The following ARV1 variants were observed in gnomAD, a reference collection of about 807,000 sequenced individuals.
ARV1 encodes ARV1 fatty acid homeostasis modulator.
A neutral mutation model predicts 31.1 loss-of-function variants in ARV1; 26 were observed. That is an observed-to-expected ratio of 0.84 (90% CI 0.61 to 1.16). The LOEUF (loss-of-function observed/expected upper bound fraction) is 1.16, where lower values mean the gene tolerates loss of function less well. ARV1 is among the 50% of genes most tolerant of loss of function. The pLI is 0.00. For missense variants in ARV1, 281 were observed against 324.9 expected, an observed-to-expected ratio of 0.86 and a Z score of 1.04; for synonymous variants, 117 against 123.2, an observed-to-expected ratio of 0.95 and a Z score of 0.34.
Position 230,995,888 on chromosome 1 carries a change from C to G in ARV1, c.577C>G (p.Leu193Val). 5 of 1,614,070 alleles carry G rather than the reference C, an allele frequency of 3.1e-6. No homozygotes were observed. Among genetic ancestry groups the G allele is most frequent in the Non-Finnish European group, 3.4e-6 (4 of 1,180,016 alleles). ...ATTATCTAGCTACGGAAAACTCTTG[C>G]TGATTCCAGCTGTCATTTGGGAACA... ...LLLSSYGKLL[L>V]IPAVIWEHDY... Residue 193 changes from leucine (L) to valine (V), a missense_variant, in exon 4 of 6, where the codon CTG (leucine) becomes GTG (valine). Leu to Val is a conservative substitution (Grantham distance 32). Coordinates refer to ENST00000310256, the MANE Select transcript of ARV1 (RefSeq NM_022786.3).
chr1:230,987,720 A>AT, intron 1 of ARV1, among the ~76,000 whole-genome samples: 1 of 152,260 alleles, frequency 6.6e-6, no homozygotes, highest in Middle Eastern at 3.4e-3. Context: ...GAGAAAGACC[A>AT]TTTTCTTTCC....
intron 3 of ARV1, among the ~76,000 whole-genome samples, 174 bp downstream of exon 3, chr1:230,990,437 C>G (rs1446062780): frequency 6.6e-6 from 1 of 152,270 alleles, no homozygotes; most frequent in East Asian, 1.9e-4. Flanking sequence ...GTTTGAATCA[C>G]CTGCTTTTTA....
Position 230,979,267 on chromosome 1 carries a change from G to C in ARV1, c.162G>C (p.Lys54Asn). ...GAGACTATAACCACGGTGTGCTGAA[G>C]ATAACCATCTGTGTGAGTTGTCAGG... ...LYRDYNHGVLKITICKSCQKP... is the reference protein window; with the variant it reads ...LYRDYNHGVLNITICKSCQKP... Residue 54 changes from lysine (K) to asparagine (N), a missense_variant, in exon 1 of 6, where the codon AAG (lysine) becomes AAC (asparagine). Transcript: ENST00000310256. The C allele has an allele frequency of 6.2e-7, 1 of 1,613,104 alleles. No individual in the cohort carries two copies. The highest frequency in any genetic ancestry group is 8.5e-7 in the Non-Finnish European group (1 of 1,179,544).
chr1:230,991,540 A>G (rs181202885), intron 3 of ARV1, among the ~76,000 whole-genome samples: 1 of 151,844 alleles, frequency 6.6e-6, no homozygotes, highest in African/African-American at 2.4e-5. Flanking sequence ...TCACCAGAAA[A>G]CCTTGCAGTC....
chr1:230,990,742 A>AT (rs1159593029), intron 3 of ARV1: 8 of 200,656 alleles, frequency 4.0e-5, no homozygotes, highest in South Asian at 1.8e-4. Flanking sequence ...TAATTTTTGT[A>AT]TTTTTTTGTT....
intron 1 of ARV1, among the ~76,000 whole-genome samples, chr1:230,980,763 C>A (rs11122176): frequency 0.11 from 14,608 of 138,504 alleles, 733 homozygotes; most frequent in Middle Eastern, 0.2. Context: ...CTTCTTCCAT[C>A]AAAAAAAAAA....
chr1:230,990,679 C>T, intron 3 of ARV1: 1 of 351,032 alleles, frequency 2.8e-6, no homozygotes, highest in South Asian at 2.2e-5. Context: ...CTCGGCCCCC[C>T]CAGGTAGCTG....
Position 230,994,565 on chromosome 1 carries a change from G to A in ARV1, c.449-1195G>A, listed in dbSNP as rs1206201784. 5.7e-5 allele frequency among the ~76,000 whole-genome samples: 8 copies of A among 140,030 alleles called. No homozygotes were observed. In the East Asian group the frequency reaches 6.3e-4, roughly 11 times the overall value. The allele number at this position is 140,030 out of a possible 152,430, so 91.9% of individuals were successfully genotyped here. A position where few individuals can be genotyped will look rare whatever the true frequency, so the allele number is the denominator to read the frequency against. The stretch of plus-strand genomic sequence containing the variant: ...ATTTTTTTTTTTTTTTTTTTGAGAC[G>A]GAGTCTCGCTCTGTCGCCCAGACTG... On this transcript the variant is annotated intron_variant, in intron 3 of 5. Transcript: ENST00000310256.
chr1:230,995,305 T>C (rs1411995443), intron 3 of ARV1, among the ~76,000 whole-genome samples: 5 of 152,310 alleles, frequency 3.3e-5, no homozygotes, highest in Admixed American at 2.6e-4. Flanking sequence ...ATGTGGATAA[T>C]AGGCACTTAA....
In ARV1 at chr1:230,995,812, C is replaced by T; in HGVS notation, c.501C>T (p.Pro167=). ...TTACCTTCCTGTGGGTAGAACGGCC[C>T]ATGACGGCAAAAAAAAAGCCCAACT... ...GIFTFLWVER[P]MTAKKKPNFI... is the part of the protein sequence containing the mutation. The change falls in exon 4 of 6, where the codon CCC becomes CCT. Residue 167 remains proline, a synonymous_variant. Coordinates refer to ENST00000310256, the MANE Select transcript of ARV1 (RefSeq NM_022786.3). 2 of 1,613,934 alleles carry T rather than the reference C, an allele frequency of 1.2e-6. No individual in the cohort carries two copies. The highest frequency in any genetic ancestry group is 1.3e-5 in the African/African-American group (1 of 74,982).
At chr1:230,993,959 A>T (rs1164798149) in intron 3 of ARV1, among the ~76,000 whole-genome samples, 1 of 152,190 alleles carries the variant, frequency 6.6e-6, no homozygotes, top group Non-Finnish European at 1.5e-5. Flanking sequence ...CTTTTACAGG[A>T]ATTATTTAAT....
rs1679233681 is a variant in ARV1 at position 230,991,741 on chromosome 1, C to T, written c.448+1478C>T. ...CTGCCTCCTGGGTTCAAGCAGTTCT[C>T]CTGCCTTAGCCTCCCGAGTAGCTGG... On this transcript the variant is annotated intron_variant, in intron 3 of 5. Coordinates refer to ENST00000310256, the MANE Select transcript of ARV1 (RefSeq NM_022786.3). Among the ~76,000 whole-genome samples the T allele has an allele frequency of 2.0e-5, 3 of 151,590 alleles. No homozygotes were observed. In the South Asian group the frequency reaches 6.2e-4, roughly 31 times the overall value.
rs905081107 is a variant in ARV1, at chr1:230,980,333, T to C, written c.174+1054T>C. On this transcript the variant is annotated intron_variant, in intron 1 of 5. Coordinates refer to ENST00000310256, the MANE Select transcript of ARV1 (RefSeq NM_022786.3). ...TCTGGCAATCTTATTTCGGTTTTTT[T>C]TTTCTTTCTTTCTTTCTTTTTGAGA... is the stretch of plus-strand genomic sequence containing the variant. Among the ~76,000 whole-genome samples the C allele has an allele frequency of 1.2e-4, 18 of 152,110 alleles. No homozygotes were observed. In the East Asian group the frequency reaches 1.4e-3, roughly 11 times the overall value.
intron 3 of ARV1, among the ~76,000 whole-genome samples, chr1:230,995,327 A>G (rs1046650037): frequency 2.6e-5 from 4 of 152,244 alleles, no homozygotes; most frequent in African/African-American, 9.6e-5. Flanking sequence ...TAGTGGAAGA[A>G]TGCACAGAGA....
chr1:230,991,965 C>T (rs1200252389), intron 3 of ARV1, among the ~76,000 whole-genome samples: 1 of 152,184 alleles, frequency 6.6e-6, no homozygotes, highest in Non-Finnish European at 1.5e-5. Flanking sequence ...CCTCCATTCC[C>T]TCCACGGCTG....
At chr1:230,982,294 C>A (rs183220712) in intron 1 of ARV1, among the ~76,000 whole-genome samples, 2 of 152,128 alleles carry the variant, frequency 1.3e-5, no homozygotes, top group African/African-American at 4.8e-5. Flanking sequence ...TGGACTGGTC[C>A]AATTAAATGG....
chr1:230,989,822 TC>T (rs1435416067), intron 2 of ARV1, among the ~76,000 whole-genome samples: 1 of 152,102 alleles, frequency 6.6e-6, no homozygotes, highest in Non-Finnish European at 1.5e-5. Context: ...CACATTAGAA[TC>T]CCCCCAGAAC....
intron 4 of ARV1, among the ~76,000 whole-genome samples, chr1:230,996,847 T>C (rs1205978142): frequency 1.3e-5 from 2 of 152,216 alleles, no homozygotes; most frequent in African/African-American, 2.4e-5. Context: ...TATTCTCTTA[T>C]AGCGTTAGAA....
chr1:230,988,528 A>G, intron 2 of ARV1, 89 bp downstream of exon 2: 1 of 1,167,746 alleles, frequency 8.6e-7, no homozygotes, highest in Non-Finnish European at 1.2e-6. Context: ...AGTAAAGAAT[A>G]TTATAAAAGA....
Sources: gnomAD v4.1 joint callset for allele counts (sites outside exome capture counted in the v4.1 genomes callset) on GRCh38, gnomAD v4.1.1 for gene constraint, MANE v1.5 for transcripts, NCBI Gene and HGNC (gene_info 2026-07-23, HGNC 2026-07-21) for gene names.